CTNND2: variants seen among roughly 807,000 people sequenced by gnomAD.
CTNND2 encodes the protein catenin delta-2.
A neutral mutation model predicts 144.4 loss-of-function variants in CTNND2; 22 were observed. The ratio of observed to expected loss-of-function variants is 0.15; its 90% confidence interval spans 0.11 to 0.22. CTNND2 has a LOEUF of 0.22. Ranked by LOEUF, CTNND2 falls within the 10% of genes least tolerant of loss-of-function variation. The pLI is 1.00. For missense variants in CTNND2, 1,353 were observed against 1,618.8 expected, an observed-to-expected ratio of 0.84 and a Z score of 2.82; for synonymous variants, 751 against 695.6, an observed-to-expected ratio of 1.08 and a Z score of -1.25.
Position 11,310,705 on chromosome 5 carries a change from T to TC in CTNND2, c.1628+35666_1628+35667insG, listed in dbSNP as rs556670237. Among the ~76,000 whole-genome samples the TC allele has an allele frequency of 1.7e-4, 26 of 151,892 alleles. No homozygotes were observed. In the South Asian group the frequency reaches 5.2e-3, roughly 30 times the overall value. ...GGCATCTCAGTAGATGCCTCTCTCA[T>TC]GTTCCTCCTCCCTGTGAGACATTCA... On this transcript the variant is annotated intron_variant, in intron 9 of 21. Coordinates refer to ENST00000304623, the MANE Select transcript of CTNND2 (RefSeq NM_001332.4).
At chr5:11,821,918 C>T (rs1296029172) in intron 1 of CTNND2, among the ~76,000 whole-genome samples, 1 of 152,040 alleles carries the variant, frequency 6.6e-6, no homozygotes, top group Non-Finnish European at 1.5e-5. Context: ...CAAATATGTC[C>T]CCCAAATAAG....
In CTNND2 at chr5:11,732,127, T is replaced by C; in HGVS notation, c.174+9A>G. ...CAAACGCATATCACAAAAATGGGAA[T>C]GTTTCTACCTGTTCTTTGACTGAGG... On this transcript the variant is annotated intron_variant, in intron 2 of 21. Coordinates refer to ENST00000304623, the MANE Select transcript of CTNND2 (RefSeq NM_001332.4). The C allele has an allele frequency of 6.2e-7, 1 of 1,602,864 alleles. No individual in the cohort carries two copies. Among genetic ancestry groups the C allele is most frequent in the Non-Finnish European group, 8.5e-7 (1 of 1,171,856 alleles).
intron 2 of CTNND2, among the ~76,000 whole-genome samples, chr5:11,706,899 C>T (rs1030176293): frequency 2.0e-5 from 3 of 151,952 alleles, no homozygotes; most frequent in Admixed American, 6.6e-5. Context: ...TCCTGGCTAA[C>T]GCGGTGAAAC....
At position 11,582,442 on chromosome 5, in the gene CTNND2, A is replaced by G. The variant is rs150053703; in HGVS notation, c.175-17386T>C. On this transcript the variant is annotated intron_variant, in intron 2 of 21. Transcript: ENST00000304623. ...AAAACAAAGAAAGAAAAGAAAAACAAGGAAATGGAGAACGACCGTCACTGA... is the reference window on the plus strand; with the variant it reads ...AAAACAAAGAAAGAAAAGAAAAACAGGGAAATGGAGAACGACCGTCACTGA... Among the ~76,000 whole-genome samples the G allele has an allele frequency of 9.8e-5, 15 of 152,318 alleles. No homozygotes were observed. The East Asian group carries it at 1.7e-3, about 18-fold the overall frequency.
chr5:11,059,810 A>G (rs889793405), intron 16 of CTNND2, among the ~76,000 whole-genome samples: 1 of 152,244 alleles, frequency 6.6e-6, no homozygotes, highest in African/African-American at 2.4e-5. Flanking sequence ...GAAAAAAAGT[A>G]TTCAATTTAT....
chr5:11,319,593 T>TCAC (rs1259573500), intron 9 of CTNND2, among the ~76,000 whole-genome samples: 1 of 152,182 alleles, frequency 6.6e-6, no homozygotes, highest in Admixed American at 6.5e-5. Context: ...CAATCTCAGA[T>TCAC]CACCACAACT....
chr5:11,551,936 T>C (rs1314958763), intron 3 of CTNND2, among the ~76,000 whole-genome samples: 1 of 152,136 alleles, frequency 6.6e-6, no homozygotes, highest in African/African-American at 2.4e-5. Flanking sequence ...GGTTTTGCCG[T>C]GTTGCCCAGG....
chr5:11,474,481 G>T (rs1458828489), intron 3 of CTNND2, among the ~76,000 whole-genome samples: 1 of 152,206 alleles, frequency 6.6e-6, no homozygotes, highest in African/African-American at 2.4e-5. Flanking sequence ...GCTAATTGGA[G>T]AAGAGAGAAG....
At chr5:11,146,703 A>G (rs968568485) in intron 12 of CTNND2, among the ~76,000 whole-genome samples, 1 of 152,196 alleles carries the variant, frequency 6.6e-6, no homozygotes, top group African/African-American at 2.4e-5. Flanking sequence ...ATAAAAACCA[A>G]GGGCAACATG....
chr5:11,578,637 G>A (rs946873937), intron 2 of CTNND2, among the ~76,000 whole-genome samples: 1 of 150,254 alleles, frequency 6.7e-6, no homozygotes, highest in Non-Finnish European at 1.5e-5. Flanking sequence ...CTCCAGCCTG[G>A]GCGACAGAGC....
chr5:11,541,537 T>C (rs557486045), intron 3 of CTNND2, among the ~76,000 whole-genome samples: 1 of 152,290 alleles, frequency 6.6e-6, no homozygotes, highest in African/African-American at 2.4e-5. Context: ...GTGAAAAGCC[T>C]GTAGGGATCA....
At chr5:11,110,789 A>G (rs2149684475) in intron 14 of CTNND2, 69 bp downstream of exon 14, 1 of 1,431,378 alleles carries the variant, frequency 7.0e-7, no homozygotes, top group Non-Finnish European at 9.6e-7. Context: ...TTCTCTATAT[A>G]TTGAGGATAT....
At chr5:11,534,852 C>T (rs1246226108) in intron 3 of CTNND2, among the ~76,000 whole-genome samples, 2 of 152,154 alleles carry the variant, frequency 1.3e-5, no homozygotes, top group East Asian at 3.9e-4. Flanking sequence ...TCTGCTCTAA[C>T]TTTTGTTCTG....
At chr5:11,643,769 CA>C (rs1481418357) in intron 2 of CTNND2, among the ~76,000 whole-genome samples, 1 of 151,694 alleles carries the variant, frequency 6.6e-6, no homozygotes, top group Non-Finnish European at 1.5e-5. Context: ...TATTTTTTCC[CA>C]AAAAAATGCA....
At chr5:11,117,923 G>C (rs1038249644) in intron 12 of CTNND2, among the ~76,000 whole-genome samples, 1 of 152,180 alleles carries the variant, frequency 6.6e-6, no homozygotes, top group Non-Finnish European at 1.5e-5. Context: ...TGAGAGGTCC[G>C]AAACACTTTC....
intron 1 of CTNND2, among the ~76,000 whole-genome samples, chr5:11,898,893 C>T (rs921813669): frequency 1.3e-5 from 2 of 152,128 alleles, no homozygotes; most frequent in East Asian, 3.9e-4. Flanking sequence ...CAAGATACAT[C>T]GAATCGTAAT....
intron 16 of CTNND2, among the ~76,000 whole-genome samples, chr5:11,069,927 T>C (rs903224500): frequency 2.0e-5 from 3 of 152,176 alleles, no homozygotes; most frequent in Admixed American, 6.5e-5. Context: ...AGCCCAGATA[T>C]AGTTAAAGCA....
chr5:11,701,161 T>A (rs1785414256), intron 2 of CTNND2, among the ~76,000 whole-genome samples: 1 of 152,184 alleles, frequency 6.6e-6, no homozygotes, highest in African/African-American at 2.4e-5. Context: ...GGTGGAGATT[T>A]CTCCTCTTTA....
Position 11,847,126 on chromosome 5 carries a change from TTTTATATATATATATATATATATA to T in CTNND2, c.37+56667_37+56690del, listed in dbSNP as rs1476831908. On this transcript the variant is annotated intron_variant, in intron 1 of 21. Transcript: ENST00000304623. ...GGAAATAAAATCAGTATGTCAAAGA[TTTTATATATATATATATATATATA>T]TATATATATATATATATATATATAT... Among the ~76,000 whole-genome samples the T allele has an allele frequency of 5.2e-4, 55 of 105,486 alleles. 2 individuals carry two copies. Among genetic ancestry groups the T allele is most frequent in the African/African-American group, 1.6e-3 (52 of 31,852 alleles). 69.2% of individuals were successfully genotyped at this position (105,486 alleles called of 152,430 possible). A position where few individuals can be genotyped will look rare whatever the true frequency, so the allele number is the denominator to read the frequency against.
Sources: gnomAD v4.1 joint callset for allele counts (sites outside exome capture counted in the v4.1 genomes callset) on GRCh38, gnomAD v4.1.1 for gene constraint, MANE v1.5 for transcripts, NCBI Gene and HGNC (gene_info 2026-07-23, HGNC 2026-07-21) for gene names.